CMTM4: variants seen among roughly 807,000 people sequenced by gnomAD.
CMTM4 encodes CKLF-like MARVEL transmembrane domain-containing protein 4.
Under a neutral mutation model 19.0 loss-of-function variants are expected in CMTM4, and 8 were observed. That is an observed-to-expected ratio of 0.42 (90% CI 0.25 to 0.76). CMTM4 has a LOEUF of 0.76. CMTM4 is among the 30% of genes least tolerant of loss of function. CMTM4 has a pLI of 0.27. For synonymous variants in CMTM4, 106 were observed against 121.1 expected (o/e 0.88, Z 0.82); for missense variants, 228 against 290.2 (o/e 0.79, Z 1.56).
chr16:66,617,177 G>T lies in CMTM4; in HGVS notation c.*4881C>A. Reference sequence around the variant, plus strand: ...GCCACCCCAGGTGTCTAGATAGCAAGTCACCTGAATTAAAGCCTCAGCATA... The same window carrying T: ...GCCACCCCAGGTGTCTAGATAGCAATTCACCTGAATTAAAGCCTCAGCATA... On this transcript the variant is annotated 3_prime_UTR_variant, in exon 4 of 4. Transcript: ENST00000394106. 8.3e-7 allele frequency: 1 copy of T among 1,209,452 alleles called. No homozygotes were observed. Among genetic ancestry groups the T allele is most frequent in the Non-Finnish European group, 1.2e-6 (1 of 849,282 alleles). The allele number at this position is 1,209,452 out of a possible 1,614,324, so 74.9% of individuals were successfully genotyped here.
At chr16:66,635,094 ATTTT>A (rs2015965536) in intron 2 of CMTM4, among the ~76,000 whole-genome samples, 1 of 152,200 alleles carries the variant, frequency 6.6e-6, no homozygotes, top group Non-Finnish European at 1.5e-5. Flanking sequence ...TAGTATGAGC[ATTTT>A]AACTGGGGGA....
Position 66,618,430 on chromosome 16 carries a change from G to GCT in CMTM4, c.*3626_*3627dup. 1 of 985,442 alleles carries GCT rather than the reference G, an allele frequency of 1.0e-6. No homozygotes were observed. The highest frequency in any genetic ancestry group is 1.1e-4 in the East Asian group (1 of 8,812). The allele number at this position is 985,442 out of a possible 1,614,324, so 61.0% of individuals were successfully genotyped here. The stretch of plus-strand genomic sequence containing the variant: ...CACTAAATTGTTCAGGTGTCTCCAT[G>GCT]CTCTATTCATCTCCTAGGTGCTAAG... On this transcript the variant is annotated 3_prime_UTR_variant, in exon 4 of 4. Coordinates refer to ENST00000394106, the MANE Select transcript of CMTM4 (RefSeq NM_181521.3).
chr16:66,599,654 C>A, the CMTM4 span, among the ~76,000 whole-genome samples: 1 of 152,164 alleles, frequency 6.6e-6, no homozygotes, highest in Non-Finnish European at 1.5e-5. Flanking sequence ...AACCACCACA[C>A]GTGGCCCTCA....
chr16:66,686,550 A>AT (rs1410267060), intron 1 of CMTM4, among the ~76,000 whole-genome samples: 53 of 151,134 alleles, frequency 3.5e-4, no homozygotes, highest in Admixed American at 9.2e-4. Context: ...CTGTCTCAAA[A>AT]AAAAAAAAAA....
At chr16:66,600,720 T>C in the CMTM4 span, among the ~76,000 whole-genome samples, 2 of 152,134 alleles carry the variant, frequency 1.3e-5, no homozygotes, top group Non-Finnish European at 2.9e-5. Flanking sequence ...TTATTCAGGA[T>C]TCTCTGGATA....
intron 1 of CMTM4, among the ~76,000 whole-genome samples, chr16:66,655,523 G>A (rs1286168761): frequency 7.2e-6 from 1 of 138,232 alleles, no homozygotes; most frequent in South Asian, 2.7e-4. Flanking sequence ...AGAAACGTGT[G>A]TGTGTGTGTG....
chr16:66,688,526 C>CAACA (rs1221289716), intron 1 of CMTM4, among the ~76,000 whole-genome samples: 2 of 138,676 alleles, frequency 1.4e-5, no homozygotes, highest in African/African-American at 6.1e-5. Flanking sequence ...ACACTCCCCT[C>CAACA]AACACACACA....
chr16:66,690,949 TA>T (rs2017123324), intron 1 of CMTM4, among the ~76,000 whole-genome samples: 1 of 149,818 alleles, frequency 6.7e-6, no homozygotes, highest in Non-Finnish European at 1.5e-5. Flanking sequence ...ACCTCGTCTC[TA>T]CAAAAATAAA....
the CMTM4 span, chr16:66,609,445 G>A: frequency 2.0e-5 from 32 of 1,612,614 alleles, no homozygotes; most frequent in African/African-American, 2.8e-4. This position sits in a 1 kb window ranked among gnomAD's most constrained non-coding sequence, Gnocchi z 4.4. Flanking sequence ...GACTTCCTGC[G>A]CTGTGTCACC....
At chr16:66,651,588 C>T (rs911453094) in intron 1 of CMTM4, among the ~76,000 whole-genome samples, 6 of 152,160 alleles carry the variant, frequency 3.9e-5, no homozygotes, top group African/African-American at 1.4e-4. Context: ...AGATGCCTAA[C>T]ATATGACTTA....
intron 1 of CMTM4, among the ~76,000 whole-genome samples, chr16:66,667,653 G>A (rs553891559): frequency 6.6e-6 from 1 of 152,296 alleles, no homozygotes; most frequent in Admixed American, 6.5e-5. Flanking sequence ...ACTTTGGGAG[G>A]CCGAGGTGGG....
At chr16:66,675,040 C>A (rs1459504810) in intron 1 of CMTM4, among the ~76,000 whole-genome samples, 2 of 150,312 alleles carry the variant, frequency 1.3e-5, no homozygotes, top group East Asian at 3.9e-4. Flanking sequence ...ACCGCACCTG[C>A]CTGGTGCTAC....
intron 1 of CMTM4, among the ~76,000 whole-genome samples, chr16:66,686,378 A>G (rs1477716769): frequency 6.6e-6 from 1 of 151,684 alleles, no homozygotes; most frequent in Non-Finnish European, 1.5e-5. Flanking sequence ...CCTGGCCAAC[A>G]TGGGAAACCC....
chr16:66,652,883 G>A (rs1005882520), intron 1 of CMTM4, among the ~76,000 whole-genome samples: 3 of 152,128 alleles, frequency 2.0e-5, no homozygotes, highest in African/African-American at 7.2e-5. Context: ...ATCTTATTGC[G>A]AATGCTACCC....
In CMTM4 at chr16:66,617,214, A is replaced by G; in HGVS notation, c.*4844T>C. The stretch of plus-strand genomic sequence containing the variant: ...AAAGCCTCAGCATAAAAAAACAAAC[A>G]TAGACAACAAACTTACCCTATGAAA... On this transcript the variant is annotated 3_prime_UTR_variant, in exon 4 of 4. Coordinates refer to ENST00000394106, the MANE Select transcript of CMTM4 (RefSeq NM_181521.3). 2 of 1,526,570 alleles carry G rather than the reference A, an allele frequency of 1.3e-6. No individual in the cohort carries two copies. The highest frequency in any genetic ancestry group is 1.2e-5 in the South Asian group (1 of 84,264). 94.6% of individuals were successfully genotyped at this position (1,526,570 alleles called of 1,614,324 possible). A position where few individuals can be genotyped will look rare whatever the true frequency, so the allele number is the denominator to read the frequency against.
intron 3 of CMTM4, 136 bp downstream of exon 3, chr16:66,623,268 A>T: frequency 1.7e-6 from 1 of 604,446 alleles, no homozygotes; most frequent in East Asian, 2.9e-5. Flanking sequence ...AGGGACTGGG[A>T]CCCCCACTGG....
At position 66,616,465 on chromosome 16, in the gene CMTM4, A is replaced by G. The variant is rs2015528316; in HGVS notation, c.*5593T>C. 1 of 152,214 alleles carries G rather than the reference A, an allele frequency of 6.6e-6. No homozygotes were observed. The highest frequency in any genetic ancestry group is 6.5e-5 in the Admixed American group (1 of 15,284). The allele number at this position is 152,214 out of a possible 1,614,324, so 9.4% of individuals were successfully genotyped here. Reference sequence around the variant, plus strand: ...GATTTTATCCAAGTAGGTCAATTTGAGGCAAGATTCAAAAACTCATTTTAA... The same window carrying G: ...GATTTTATCCAAGTAGGTCAATTTGGGGCAAGATTCAAAAACTCATTTTAA... On this transcript the variant is annotated 3_prime_UTR_variant, in exon 4 of 4. Transcript: ENST00000394106.
chr16:66,610,074 G>A, downstream of CMTM4: 1 of 1,583,036 alleles, frequency 6.3e-7, no homozygotes, highest in Non-Finnish European at 8.6e-7. The surrounding 1 kb of genome is among the most constrained non-coding windows in gnomAD (Gnocchi z 4.6). Context: ...ATGCCAGCTA[G>A]TTTGAGGCTG....
chr16:66,618,494 C>T lies in CMTM4; in HGVS notation c.*3564G>A. On this transcript the variant is annotated 3_prime_UTR_variant, in exon 4 of 4. Coordinates refer to ENST00000394106, the MANE Select transcript of CMTM4 (RefSeq NM_181521.3). ...AAATCTGGCACAGAAAGGGATTAGA[C>T]CTCAGTCCACCTCTCAGAGCACATG... The T allele has an allele frequency of 1.0e-6, 1 of 985,460 alleles. No individual in the cohort carries two copies. The highest frequency in any genetic ancestry group is 1.7e-5 in the African/African-American group (1 of 57,366). 61.0% of individuals were successfully genotyped at this position (985,460 alleles called of 1,614,324 possible).
Sources: gnomAD v4.1 joint callset for allele counts (sites outside exome capture counted in the v4.1 genomes callset) on GRCh38, gnomAD v4.1.1 for gene constraint, Gnocchi (gnomAD v3.1) non-coding constraint, MANE v1.5 for transcripts, NCBI Gene and HGNC (gene_info 2026-07-23, HGNC 2026-07-21) for gene names.